The following BPIFB1 variants were observed in gnomAD, a reference collection of about 807,000 sequenced individuals.
The protein encoded by BPIFB1 is BPI fold-containing family B member 1.
Under a neutral mutation model 55.1 loss-of-function variants are expected in BPIFB1, and 34 were observed. The ratio of observed to expected loss-of-function variants is 0.62; its 90% CI spans 0.47 to 0.82. BPIFB1 has a LOEUF of 0.82. Among genes scored for constraint, BPIFB1 ranks in the 40% least tolerant of loss-of-function variants. BPIFB1 has a pLI of 0.00. For synonymous variants in BPIFB1, 236 were observed against 245.3 expected, an observed-to-expected ratio of 0.96 and a Z score of 0.35; for missense variants, 532 against 593.1, an observed-to-expected ratio of 0.90 and a Z score of 1.07.
chr20:33,283,770 A>G (rs1026606705), intron 1 of BPIFB1, among the ~76,000 whole-genome samples: 1 of 152,082 alleles, frequency 6.6e-6, no homozygotes, highest in African/African-American at 2.4e-5. Context: ...AGCAGAAGCA[A>G]AGGCTGGGAG....
intron 6 of BPIFB1, among the ~76,000 whole-genome samples, chr20:33,293,764 C>G (rs1042469723): frequency 1.3e-5 from 2 of 152,160 alleles, no homozygotes; most frequent in Non-Finnish European, 2.9e-5. Context: ...TCGCTTGAGT[C>G]TAGGATGTTG....
intron 6 of BPIFB1, among the ~76,000 whole-genome samples, chr20:33,293,474 T>G (rs1980537096): frequency 6.6e-6 from 1 of 152,212 alleles, no homozygotes; most frequent in South Asian, 2.1e-4. Context: ...ACGAAAACAT[T>G]CCAGCAAATC....
chr20:33,292,212 C>T (rs546588051), intron 6 of BPIFB1, among the ~76,000 whole-genome samples: 2 of 152,342 alleles, frequency 1.3e-5, no homozygotes, highest in African/African-American at 2.4e-5. Flanking sequence ...AGCCCGTGAA[C>T]AGTGACGTGC....
rs1445799599 is a variant in BPIFB1, at chr20:33,302,681, C to T, written c.982-235C>T. ...TCTGGGCCCCTGATACAGTCTGGGA[C>T]GTCAGGGAGGCCTCCCTGAAGGGAA... On this transcript the variant is annotated intron_variant, in intron 10 of 15. Coordinates refer to ENST00000253354, the MANE Select transcript of BPIFB1 (RefSeq NM_033197.3). 51 of 626,692 alleles carry T rather than the reference C, an allele frequency of 8.1e-5. No individual in the cohort carries two copies. The East Asian group carries it at 1.0e-3, about 13-fold the overall frequency. The allele number at this position is 626,692 out of a possible 1,614,324, so 38.8% of individuals were successfully genotyped here. A position where few individuals can be genotyped will look rare whatever the true frequency, so the allele number is the denominator to read the frequency against.
chr20:33,299,612 C>T (rs2424967), intron 7 of BPIFB1, among the ~76,000 whole-genome samples: 56,312 of 152,074 alleles, frequency 0.37, 11,784 homozygotes, highest in East Asian at 0.64. Flanking sequence ...TTTCCCTTTC[C>T]TCAGACTTGG....
chr20:33,298,357 C>G (rs1402412801), intron 7 of BPIFB1, among the ~76,000 whole-genome samples: 1 of 152,244 alleles, frequency 6.6e-6, no homozygotes, highest in Non-Finnish European at 1.5e-5. Context: ...AGGGCACAGG[C>G]TCCTGCCCCC....
chr20:33,301,607 T>C (rs7353606), intron 9 of BPIFB1, among the ~76,000 whole-genome samples, 195 bp downstream of exon 9: 1 of 152,226 alleles, frequency 6.6e-6, no homozygotes, highest in Non-Finnish European at 1.5e-5. Context: ...GCCCCAGTCA[T>C]GGTTCTACCC....
chr20:33,288,909 G>T, intron 3 of BPIFB1, 27 bp downstream of exon 3: 1 of 1,599,518 alleles, frequency 6.3e-7, no homozygotes, highest in Non-Finnish European at 8.5e-7. Context: ...CACACCAGGA[G>T]CTAGCCCCTT....
Position 33,303,987 on chromosome 20 carries a change from C to T in BPIFB1, c.1170C>T (p.Thr390=), listed in dbSNP as rs1980936769. ...CCAGCTCGGAAGCTCAGTTTTACAC[C>T]AAAGGTGACCAACTTATACTCAACT... ...IEASSEAQFY[T]KGDQLILNLN... is the part of the protein sequence containing the mutation. Residue 390 remains threonine (T), a synonymous_variant, in exon 12 of 16, where the codon ACC becomes ACT. Coordinates refer to ENST00000253354, the MANE Select transcript of BPIFB1 (RefSeq NM_033197.3). The T allele has an allele frequency of 1.2e-6, 2 of 1,613,824 alleles. No homozygotes were observed.
At chr20:33,306,479 A>G (rs1981029302) in intron 14 of BPIFB1, 1 of 324,322 alleles carries the variant, frequency 3.1e-6, no homozygotes, top group Admixed American at 4.3e-5. Flanking sequence ...CTTCAGAGGC[A>G]CAAATCAGGA....
intron 13 of BPIFB1, 29 bp from the exon 14 acceptor site, chr20:33,305,973 G>A (rs1174568779): frequency 1.2e-6 from 2 of 1,612,448 alleles, no homozygotes; most frequent in Admixed American, 3.3e-5. Flanking sequence ...GCTCAACCAG[G>A]GTGACAGTGC....
At chr20:33,299,618 C>T (rs1349673015) in intron 7 of BPIFB1, among the ~76,000 whole-genome samples, 2 of 152,222 alleles carry the variant, frequency 1.3e-5, no homozygotes, top group African/African-American at 4.8e-5. Context: ...TTTCCTCAGA[C>T]TTGGTTTCAC....
chr20:33,305,524 A>G (rs762659286), intron 13 of BPIFB1, among the ~76,000 whole-genome samples: 37 of 151,858 alleles, frequency 2.4e-4, no homozygotes, highest in East Asian at 7.8e-4. Context: ...TCACCATGTT[A>G]GCCAAGATGG....
intron 6 of BPIFB1, among the ~76,000 whole-genome samples, chr20:33,294,456 C>T (rs1182055292): frequency 6.6e-6 from 1 of 152,116 alleles, no homozygotes; most frequent in Non-Finnish European, 1.5e-5. Context: ...GACCTTTTAG[C>T]AAAGGTACGT....
At chr20:33,288,601 C>A in intron 2 of BPIFB1, 140 bp from the exon 3 acceptor site, 1 of 966,376 alleles carries the variant, frequency 1.0e-6, no homozygotes, top group Non-Finnish European at 1.5e-6. Flanking sequence ...CTGGTCCTGA[C>A]CTCCACCACA....
Position 33,309,748 on chromosome 20 carries a change from G to T in BPIFB1, c.1436G>T (p.Ser479Ile), listed in dbSNP as rs1999663. 1 of 1,613,804 alleles carries T rather than the reference G, an allele frequency of 6.2e-7. No homozygotes were observed. The highest frequency in any genetic ancestry group is 8.5e-7 in the Non-Finnish European group (1 of 1,179,820). ...VLTPASLWKP[S>I]SPVSQ ...ACTCCAGCCTCCTTGTGGAAACCCA[G>T]CTCTCCTGTCTCCCAGTGAAGACTT... The change falls in exon 16 of 16, where the codon AGC becomes ATC. Residue 479 changes from serine to isoleucine, a missense_variant. Physicochemically the swap from Ser to Ile is moderately radical, Grantham distance 142. Transcript: ENST00000253354. The surrounding 1 kb of genome is among the most constrained non-coding windows in gnomAD (Gnocchi z 4.4).
intron 8 of BPIFB1, among the ~76,000 whole-genome samples, chr20:33,300,690 G>A (rs924762620): frequency 6.6e-6 from 1 of 152,124 alleles, no homozygotes; most frequent in Non-Finnish European, 1.5e-5. Context: ...GGGCTCAAGC[G>A]ATCCTCTCAC....
intron 13 of BPIFB1, 135 bp downstream of exon 13, chr20:33,305,026 C>A: frequency 6.5e-6 from 6 of 926,116 alleles, no homozygotes; most frequent in Non-Finnish European, 8.6e-6. Flanking sequence ...CGGTCTCCAC[C>A]AAAGTCCAAC....
In BPIFB1 at chr20:33,286,197, T is replaced by C. The variant is rs1400305062; in HGVS notation, c.115+9T>C. ...AAAAGTCATCAAAGAAAGTAAGTTTTGTCCCTCCGGAGCTGGCTGCCATAA... is the reference window on the plus strand; with the variant it reads ...AAAAGTCATCAAAGAAAGTAAGTTTCGTCCCTCCGGAGCTGGCTGCCATAA... On this transcript the variant is annotated intron_variant, in intron 2 of 15. Transcript: ENST00000253354. 10 of 1,613,450 alleles carry C rather than the reference T, an allele frequency of 6.2e-6. No homozygotes were observed. Among genetic ancestry groups the C allele is most frequent in the Non-Finnish European group, 8.5e-6 (10 of 1,179,386 alleles).
Sources: gnomAD v4.1 joint callset for allele counts (sites outside exome capture counted in the v4.1 genomes callset) on GRCh38, gnomAD v4.1.1 for gene constraint, Gnocchi (gnomAD v3.1) non-coding constraint, MANE v1.5 for transcripts, NCBI Gene and HGNC (gene_info 2026-07-23, HGNC 2026-07-21) for gene names.